HELLS: variants seen among roughly 807,000 people sequenced by gnomAD.
HELLS encodes the protein helicase, lymphoid specific.
A neutral mutation model predicts 120.0 loss-of-function variants in HELLS; 32 were observed. That is an observed-to-expected ratio of 0.27 (90% CI 0.20 to 0.36). HELLS has a LOEUF of 0.36. HELLS is among the 10% of genes least tolerant of loss of function. HELLS has a pLI of 1.00. For synonymous variants in HELLS, 341 were observed against 323.4 expected (o/e 1.05, Z -0.58); for missense variants, 650 against 993.4 (o/e 0.65, Z 4.65).
chr10:94,565,467 AT>A (rs1178868967), intron 6 of HELLS, among the ~76,000 whole-genome samples: 13 of 152,210 alleles, frequency 8.5e-5, no homozygotes, highest in Non-Finnish European at 1.0e-4. Context: ...AGGTGGGAGG[AT>A]CACCTGATGT....
intron 11 of HELLS, 22 bp from the exon 12 acceptor site, chr10:94,582,941 C>G: frequency 7.2e-7 from 1 of 1,386,930 alleles, no homozygotes; most frequent in Non-Finnish European, 1.0e-6. Context: ...TGATGGTTAA[C>G]TTAAACATTT....
rs764961721 is a variant in HELLS, at chr10:94,546,467, G to C, written c.122G>C (p.Gly41Ala). ...GAGGAAGAACAGCTTGAAGCTGCTG[G>C]ACTAGAGAGAGAGCGGAAGATGCTG... The part of the protein sequence containing the change: ...LEEEEQLEAA[G>A]LERERKMLEK... The change falls in exon 2 of 22, where the codon GGA becomes GCA. Residue 41 changes from glycine to alanine, a missense_variant. Transcript: ENST00000348459. 6 of 1,614,034 alleles carry C rather than the reference G, an allele frequency of 3.7e-6. No homozygotes were observed. The African/African-American group carries it at 8.0e-5, about 22-fold the overall frequency.
At chr10:94,609,803 T>C (rs543692573) in intron 9 of HELLS, 1 of 152,340 alleles carries the variant, frequency 6.6e-6, no homozygotes, top group Admixed American at 6.5e-5. Context: ...CCTGTTCCTA[T>C]TGTACTCAAA....
chr10:94,581,538 A>G lies in HELLS; in HGVS notation c.1229+16A>G, dbSNP rs202097664. 9 of 1,551,108 alleles carry G rather than the reference A, an allele frequency of 5.8e-6. No individual in the cohort carries two copies. The highest frequency in any genetic ancestry group is 1.4e-5 in the African/African-American group (1 of 73,006). On this transcript the variant is annotated intron_variant, in intron 11 of 21. Coordinates refer to ENST00000348459, the MANE Select transcript of HELLS (RefSeq NM_018063.5). ...ACTTGAAAAGGTGGGTAAGCCAGTT[A>G]TTTAATGATTTAACCTCAAAAATCT...
intron 11 of HELLS, 68 bp downstream of exon 11, chr10:94,581,590 T>C (rs1564604151): frequency 3.5e-6 from 4 of 1,134,438 alleles, no homozygotes; most frequent in Non-Finnish European, 5.0e-6. Flanking sequence ...TTACTTTCTT[T>C]TCAGTGACTG....
At chr10:94,565,461 G>GGGA (rs1316762299) in intron 6 of HELLS, among the ~76,000 whole-genome samples, 1 of 152,208 alleles carries the variant, frequency 6.6e-6, no homozygotes, top group African/African-American at 2.4e-5. Flanking sequence ...AGGCCAAGGT[G>GGGA]GGAGGATCAC....
chr10:94,587,237 TAAAAAATTTTTAATTTTTA>T (rs752431150), intron 12 of HELLS, among the ~76,000 whole-genome samples: 7 of 152,254 alleles, frequency 4.6e-5, no homozygotes, highest in Non-Finnish European at 7.4e-5. Context: ...CTCATTCTAT[TAAAAAATTTTTAATTTTTA>T]AAAAAACTTT....
At chr10:94,568,578 CTCAT>C (rs1413978722) in intron 6 of HELLS, among the ~76,000 whole-genome samples, 12 of 152,172 alleles carry the variant, frequency 7.9e-5, no homozygotes, top group Non-Finnish European at 1.6e-4. Context: ...TAGTCTAGCT[CTCAT>C]TGTCAAGAGT....
intron 18 of HELLS, among the ~76,000 whole-genome samples, chr10:94,594,189 AT>A (rs75456096): frequency 2.6e-5 from 4 of 151,036 alleles, no homozygotes; most frequent in South Asian, 2.1e-4. Context: ...AAAATTGAAA[AT>A]TTTTTTTTAC....
chr10:94,564,623 T>C (rs1040072509), intron 6 of HELLS, among the ~76,000 whole-genome samples: 2 of 152,170 alleles, frequency 1.3e-5, no homozygotes, highest in African/African-American at 4.8e-5. Flanking sequence ...TCTTCCTTTT[T>C]TTTTCTTGGA....
At chr10:94,575,971 A>AT (rs1311480563) in intron 9 of HELLS, among the ~76,000 whole-genome samples, 1 of 151,448 alleles carries the variant, frequency 6.6e-6, no homozygotes, top group African/African-American at 2.4e-5. Context: ...CTAATTTTGT[A>AT]TTTTTAGTAG....
chr10:94,573,819 T>C (rs1844303029), intron 7 of HELLS, 141 bp from the exon 8 acceptor site: 2 of 540,538 alleles, frequency 3.7e-6, no homozygotes. Context: ...GTCTCCAGTT[T>C]TTTAATCCAG....
rs1844346735 is a variant in HELLS, at chr10:94,574,745, T to C, written c.888+9T>C. ...AAAGATTTACACCAGATGTAAGACA[T>C]GCTTCCTTATGTTAAAATTATAATT... On this transcript the variant is annotated intron_variant, in intron 9 of 21. Coordinates refer to ENST00000348459, the MANE Select transcript of HELLS (RefSeq NM_018063.5). 1 of 1,592,714 alleles carries C rather than the reference T, an allele frequency of 6.3e-7. No homozygotes were observed. Among genetic ancestry groups the C allele is most frequent in the Non-Finnish European group, 8.6e-7 (1 of 1,167,174 alleles).
intron 4 of HELLS, among the ~76,000 whole-genome samples, chr10:94,559,233 T>C (rs1843426425): frequency 6.6e-6 from 1 of 152,154 alleles, no homozygotes; most frequent in Non-Finnish European, 1.5e-5. Flanking sequence ...TGGTCTTTAT[T>C]TAGCACCATA....
At chr10:94,548,743 C>T (rs1201026553) in intron 2 of HELLS, among the ~76,000 whole-genome samples, 1 of 152,108 alleles carries the variant, frequency 6.6e-6, no homozygotes, top group African/African-American at 2.4e-5. Context: ...CTTGTAATCC[C>T]AGCACTTTGG....
chr10:94,589,717 C>T (rs370873392), intron 13 of HELLS, among the ~76,000 whole-genome samples: 86 of 126,660 alleles, frequency 6.8e-4, no homozygotes, highest in Middle Eastern at 6.0e-3. Context: ...GACAGAGTCT[C>T]GCTGTGTTGC....
intron 10 of HELLS, chr10:94,577,202 G>A (rs932805812): frequency 4.0e-5 from 12 of 296,724 alleles, no homozygotes; most frequent in Admixed American, 2.0e-4. Context: ...TAGCATTTTC[G>A]TTTCTATTTT....
In HELLS at chr10:94,580,230, G is replaced by C. The variant is rs535883125; in HGVS notation, c.1033-1096G>C. Among the ~76,000 whole-genome samples the C allele has an allele frequency of 3.7e-5, 5 of 136,048 alleles. No homozygotes were observed. In the South Asian group the frequency reaches 9.4e-4, roughly 25 times the overall value. 89.3% of individuals were successfully genotyped at this position (136,048 alleles called of 152,430 possible). On this transcript the variant is annotated intron_variant, in intron 10 of 21. Coordinates refer to ENST00000348459, the MANE Select transcript of HELLS (RefSeq NM_018063.5). ...GAGACAGTCTCACTCTGTCACCCAG[G>C]CTGGAGTGCAGTGGCACGATCTCGG...
At chr10:94,590,597 A>C in intron 14 of HELLS, 41 bp from the exon 15 acceptor site, 1 of 1,608,142 alleles carries the variant, frequency 6.2e-7, no homozygotes. Flanking sequence ...AACTGTGACC[A>C]TTTTTTGCAT....
Sources: allele counts gnomAD v4.1 joint callset (sites outside exome capture counted in the v4.1 genomes callset), GRCh38; gene constraint gnomAD v4.1.1; transcripts MANE v1.5; gene names NCBI Gene and HGNC (gene_info 2026-07-23, HGNC 2026-07-21).